Variants in SGCZ observed in about 807,000 individuals in gnomAD.
SGCZ encodes the protein sarcoglycan zeta.
SGCZ carries 40 observed loss-of-function variants against 41.3 expected under a neutral mutation model. That is an observed-to-expected ratio of 0.97 (90% CI 0.75 to 1.26). SGCZ has a LOEUF of 1.26. Among genes scored for constraint, SGCZ ranks in the 50% most tolerant of loss-of-function variants. The pLI, the probability that SGCZ is intolerant of heterozygous loss-of-function variation, is 0.00. For synonymous variants in SGCZ, 206 were observed against 137.5 expected (o/e 1.50, Z -3.49); for missense variants, 552 against 369.8 (o/e 1.49, Z -4.04).
At chr8:15,087,189 C>G (rs1160288867) in intron 1 of SGCZ, among the ~76,000 whole-genome samples, 2 of 151,988 alleles carry the variant, frequency 1.3e-5, no homozygotes, top group Non-Finnish European at 2.9e-5. Context: ...AACACATAAC[C>G]AGTGCTACAA....
At chr8:14,887,475 A>G (rs1377163504) in intron 1 of SGCZ, among the ~76,000 whole-genome samples, 1 of 152,204 alleles carries the variant, frequency 6.6e-6, no homozygotes, top group East Asian at 1.9e-4. Context: ...TTCATTCTGC[A>G]TTAATTTGAT....
intron 1 of SGCZ, among the ~76,000 whole-genome samples, chr8:14,992,052 C>T (rs1476347781): frequency 4.1e-5 from 6 of 145,606 alleles, no homozygotes; most frequent in Non-Finnish European, 9.1e-5. Context: ...CTCCCAAAAC[C>T]AATGTTACCC....
chr8:15,197,485 C>A (rs1008228898), intron 1 of SGCZ, among the ~76,000 whole-genome samples: 1 of 152,098 alleles, frequency 6.6e-6, no homozygotes, highest in Non-Finnish European at 1.5e-5. Context: ...GTGTAGGAAG[C>A]ACTGGTATCT....
chr8:14,114,717 A>C (rs2117020043), intron 5 of SGCZ, among the ~76,000 whole-genome samples: 1 of 152,140 alleles, frequency 6.6e-6, no homozygotes, highest in South Asian at 2.1e-4. Context: ...TTCAGAAATA[A>C]GTTGTTTGTT....
At chr8:14,236,676 A>G (rs1806775167) in intron 4 of SGCZ, among the ~76,000 whole-genome samples, 1 of 151,474 alleles carries the variant, frequency 6.6e-6, no homozygotes, top group Non-Finnish European at 1.5e-5. Context: ...ATATATGTGT[A>G]TGTATGTATA....
intron 2 of SGCZ, among the ~76,000 whole-genome samples, chr8:14,457,955 C>T (rs1156996668): frequency 6.6e-6 from 1 of 152,122 alleles, no homozygotes. Flanking sequence ...TTTATTTCTA[C>T]ACTCTCTCGT....
At chr8:15,200,461 G>C (rs1800855900) in intron 1 of SGCZ, among the ~76,000 whole-genome samples, 1 of 152,152 alleles carries the variant, frequency 6.6e-6, no homozygotes, top group African/African-American at 2.4e-5. Flanking sequence ...TGAGCTCCAT[G>C]AATACTGACA....
chr8:14,300,096 C>A (rs1229879961), intron 3 of SGCZ, among the ~76,000 whole-genome samples: 1 of 151,932 alleles, frequency 6.6e-6, no homozygotes, highest in East Asian at 1.9e-4. Flanking sequence ...TGAGACCTGC[C>A]TGAAGTGGGC....
intron 1 of SGCZ, among the ~76,000 whole-genome samples, chr8:14,665,162 C>A (rs146693942): frequency 7.2e-5 from 11 of 152,090 alleles, no homozygotes; most frequent in African/African-American, 2.7e-4. Flanking sequence ...TCCCTCCCCC[C>A]TCTCCCCACC....
At chr8:14,290,327 T>C (rs887267656) in intron 3 of SGCZ, among the ~76,000 whole-genome samples, 4 of 63,034 alleles carry the variant, frequency 6.3e-5, no homozygotes, top group African/African-American at 1.8e-4. Context: ...CAAAAGAAAA[T>C]ATAGACACAT....
chr8:14,090,261 T>A lies in SGCZ; in HGVS notation c.*182A>T. The A allele has an allele frequency of 2.0e-6, 1 of 495,088 alleles. No individual in the cohort carries two copies. Among genetic ancestry groups the A allele is most frequent in the Non-Finnish European group, 3.4e-6 (1 of 294,816 alleles). 30.7% of individuals were successfully genotyped at this position (495,088 alleles called of 1,614,324 possible). ...TTCCACTGCTGTGTCAATCACACCCTCTGTGTTGAGCAGTACAGTAAATCA... is the reference window on the plus strand; with the variant it reads ...TTCCACTGCTGTGTCAATCACACCCACTGTGTTGAGCAGTACAGTAAATCA... On this transcript the variant is annotated 3_prime_UTR_variant, in exon 8 of 8. Transcript: ENST00000382080.
chr8:14,333,984 G>T (rs1802424553), intron 2 of SGCZ, among the ~76,000 whole-genome samples: 1 of 152,070 alleles, frequency 6.6e-6, no homozygotes, highest in South Asian at 2.1e-4. Flanking sequence ...CTAGAAATGT[G>T]ATCTGCTTTA....
At chr8:14,671,968 G>A (rs1040340814) in intron 1 of SGCZ, among the ~76,000 whole-genome samples, 3 of 151,842 alleles carry the variant, frequency 2.0e-5, no homozygotes, top group South Asian at 2.1e-4. Context: ...CATCATTTTC[G>A]AAACTGAAGA....
intron 1 of SGCZ, among the ~76,000 whole-genome samples, chr8:15,124,044 G>A (rs1807585765): frequency 6.6e-6 from 1 of 152,154 alleles, no homozygotes. Flanking sequence ...TTTATGCTTG[G>A]TAATCCATTA....
chr8:14,420,836 G>T (rs1037144191), intron 2 of SGCZ, among the ~76,000 whole-genome samples: 1 of 151,870 alleles, frequency 6.6e-6, no homozygotes, highest in East Asian at 1.9e-4. Context: ...AAATATTTTG[G>T]TACTTCATTG....
intron 1 of SGCZ, among the ~76,000 whole-genome samples, chr8:14,975,521 TTGAA>T (rs1363377206): frequency 6.6e-6 from 1 of 152,088 alleles, no homozygotes; most frequent in East Asian, 1.9e-4. Flanking sequence ...GCTGACCCAC[TTGAA>T]CACTGTTTTT....
intron 1 of SGCZ, among the ~76,000 whole-genome samples, chr8:15,211,678 A>G (rs951637031): frequency 6.6e-6 from 1 of 152,118 alleles, no homozygotes; most frequent in Admixed American, 6.6e-5. Flanking sequence ...TCTAGATCCT[A>G]TTATCGCCCG....
At chr8:15,008,291 C>T (rs1029296309) in intron 1 of SGCZ, among the ~76,000 whole-genome samples, 4 of 151,826 alleles carry the variant, frequency 2.6e-5, no homozygotes, top group African/African-American at 9.7e-5. Context: ...CAAATGAGTC[C>T]ATTAAGTTTC....
At chr8:15,053,141 T>C (rs562529430) in intron 1 of SGCZ, among the ~76,000 whole-genome samples, 6 of 152,138 alleles carry the variant, frequency 3.9e-5, no homozygotes, top group Non-Finnish European at 8.8e-5. Flanking sequence ...TGTCCTCTCT[T>C]TCCTATTTGA....
Sources: gnomAD v4.1 joint callset for allele counts (sites outside exome capture counted in the v4.1 genomes callset) on GRCh38, gnomAD v4.1.1 for gene constraint, MANE v1.5 for transcripts, NCBI Gene and HGNC (gene_info 2026-07-23, HGNC 2026-07-21) for gene names.